The following ANKRD44 variants were observed in gnomAD, a reference collection of about 807,000 sequenced individuals.
ANKRD44 encodes ankyrin repeat domain 44, also known as serine/threonine-protein phosphatase 6 regulatory ankyrin repeat subunit B.
In ANKRD44, 35 loss-of-function variants were observed where a neutral mutation model predicts 116.0. The observed-to-expected ratio is 0.30, with a 90% CI of 0.23 to 0.40. The LOEUF is 0.40. Ranked by LOEUF, ANKRD44 falls within the 10% of genes least tolerant of loss-of-function variation. The pLI is 1.00. For missense variants in ANKRD44, 1,014 were observed against 1,242.6 expected, an observed-to-expected ratio of 0.82 and a Z score of 2.77; for synonymous variants, 435 against 461.8, an observed-to-expected ratio of 0.94 and a Z score of 0.74.
intron 2 of ANKRD44, among the ~76,000 whole-genome samples, chr2:197,171,990 A>C (rs34166070): frequency 8.5e-5 from 9 of 106,448 alleles, no homozygotes; most frequent in Admixed American, 3.8e-4. Flanking sequence ...CATGTCCGTT[A>C]TTTTTCTTCT....
chr2:197,062,131 T>C (rs2077329258), intron 16 of ANKRD44, among the ~76,000 whole-genome samples: 2 of 152,196 alleles, frequency 1.3e-5, no homozygotes. Flanking sequence ...CATTTCCCTA[T>C]AATCCACTCT....
At chr2:197,303,350 C>T (rs971826087) in intron 1 of ANKRD44, among the ~76,000 whole-genome samples, 2 of 152,142 alleles carry the variant, frequency 1.3e-5, no homozygotes, top group East Asian at 1.9e-4. Flanking sequence ...GACAAAGAAA[C>T]GAAGGCCAGG....
intron 16 of ANKRD44, among the ~76,000 whole-genome samples, chr2:197,072,698 C>T (rs930132857): frequency 7.9e-5 from 12 of 152,140 alleles, no homozygotes; most frequent in South Asian, 2.1e-4. Context: ...TATTTAAATC[C>T]GCAAATGTTT....
intron 2 of ANKRD44, among the ~76,000 whole-genome samples, chr2:197,148,564 G>A (rs568259964): frequency 6.6e-6 from 1 of 152,208 alleles, no homozygotes; most frequent in African/African-American, 2.4e-5. Context: ...TCCATTTTCT[G>A]ACAGTCCAGA....
chr2:196,983,844 G>C (rs2075819423), downstream of ANKRD44, among the ~76,000 whole-genome samples: 1 of 152,180 alleles, frequency 6.6e-6, no homozygotes, highest in Non-Finnish European at 1.5e-5. Flanking sequence ...ACCTTTGTGA[G>C]CAGGAGTTCC....
chr2:197,296,915 T>C (rs2083740231), intron 1 of ANKRD44, among the ~76,000 whole-genome samples: 1 of 152,230 alleles, frequency 6.6e-6, no homozygotes. Flanking sequence ...ATTCGAGACT[T>C]GAAATTTTAC....
intron 1 of ANKRD44, among the ~76,000 whole-genome samples, chr2:197,227,095 T>C (rs1372572480): frequency 6.6e-6 from 1 of 152,190 alleles, no homozygotes; most frequent in Non-Finnish European, 1.5e-5. Context: ...ATCTTAATTC[T>C]CAATCTATAT....
intron 1 of ANKRD44, among the ~76,000 whole-genome samples, chr2:197,247,325 G>C (rs146325545): frequency 6.6e-6 from 1 of 152,286 alleles, no homozygotes; most frequent in Non-Finnish European, 1.5e-5. Context: ...TCCCAGATGT[G>C]TAACAAGTCA....
intron 17 of ANKRD44, among the ~76,000 whole-genome samples, chr2:197,018,113 T>C (rs894797642): frequency 6.6e-6 from 1 of 152,224 alleles, no homozygotes; most frequent in African/African-American, 2.4e-5. Context: ...CCAACCTGTT[T>C]TGCCAGGATT....
intron 1 of ANKRD44, among the ~76,000 whole-genome samples, chr2:197,218,381 TC>T (rs1352106829): frequency 6.6e-6 from 1 of 152,144 alleles, no homozygotes; most frequent in Non-Finnish European, 1.5e-5. Flanking sequence ...TTCCTGCTAT[TC>T]CCTGCTACCT....
In ANKRD44 at chr2:196,987,232, C is replaced by T. The variant is rs1267788383; in HGVS notation, c.*2359G>A. The T allele has an allele frequency of 1.0e-6, 1 of 985,082 alleles. No individual in the cohort carries two copies. The highest frequency in any genetic ancestry group is 1.2e-6 in the Non-Finnish European group (1 of 829,808). 61.0% of individuals were successfully genotyped at this position (985,082 alleles called of 1,614,324 possible). ...TTTAGCACTGCAAAATCAAACAATT[C>T]CTATAGAAAACTTAAGCATTTTCAT... On this transcript the variant is annotated 3_prime_UTR_variant, in exon 28 of 28. Transcript: ENST00000282272.
intron 16 of ANKRD44, among the ~76,000 whole-genome samples, chr2:197,041,168 A>G (rs2076903875): frequency 6.6e-6 from 1 of 152,190 alleles, no homozygotes; most frequent in South Asian, 2.1e-4. Context: ...GTTGGACAAG[A>G]GACAGAGTAG....
chr2:197,122,817 C>T (rs2125328654), intron 6 of ANKRD44, 25 bp from the exon 7 acceptor site: 1 of 1,609,852 alleles, frequency 6.2e-7, no homozygotes, highest in East Asian at 2.2e-5. Flanking sequence ...CAGCAGAAAA[C>T]ATCGTTAACC....
At chr2:197,065,670 ACCTC>A (rs2077416409) in intron 16 of ANKRD44, among the ~76,000 whole-genome samples, 1 of 152,184 alleles carries the variant, frequency 6.6e-6, no homozygotes, top group African/African-American at 2.4e-5. Flanking sequence ...CACTATAAAC[ACCTC>A]TACGCAAATA....
At chr2:196,971,866 T>TGACTAG (rs1370060805) in intron 21 of ANKRD44, among the ~76,000 whole-genome samples, 1 of 152,136 alleles carries the variant, frequency 6.6e-6, no homozygotes, top group African/African-American at 2.4e-5. Flanking sequence ...ACCCCCTTTT[T>TGACTAG]GACTAGTTTT....
intron 18 of ANKRD44, among the ~76,000 whole-genome samples, 196 bp from the exon 19 acceptor site, chr2:197,009,227 G>A (rs1414221182): frequency 1.3e-5 from 2 of 152,100 alleles, no homozygotes; most frequent in African/African-American, 2.4e-5. Context: ...GAGTAGCTGG[G>A]ATTACAGGCA....
chr2:197,181,358 CGTT>C (rs35813294), intron 2 of ANKRD44, among the ~76,000 whole-genome samples: 43,571 of 151,820 alleles, frequency 0.29, 6,974 homozygotes, highest in African/African-American at 0.43. Context: ...ATTGAGGCAT[CGTT>C]GTTAATTCTA....
chr2:197,034,987 G>T (rs561026224), intron 16 of ANKRD44, among the ~76,000 whole-genome samples: 1 of 152,270 alleles, frequency 6.6e-6, no homozygotes, highest in African/African-American at 2.4e-5. Context: ...TAATTCATAG[G>T]ACAGTTTCTC....
chr2:197,147,825 G>A, intron 2 of ANKRD44: 1 of 451,676 alleles, frequency 2.2e-6, no homozygotes, highest in Non-Finnish European at 4.4e-6. Flanking sequence ...AATAAGAGTG[G>A]TCAGTGAGGC....
Sources: gnomAD v4.1 joint callset for allele counts (sites outside exome capture counted in the v4.1 genomes callset) on GRCh38, gnomAD v4.1.1 for gene constraint, MANE v1.5 for transcripts, NCBI Gene and HGNC (gene_info 2026-07-23, HGNC 2026-07-21) for gene names.